Variants in DNAJB6 observed in about 807,000 individuals in gnomAD.
The protein encoded by DNAJB6 is dnaJ homolog subfamily B member 6.
A neutral mutation model predicts 42.7 loss-of-function variants in DNAJB6; 16 were observed. That is an observed-to-expected ratio of 0.37 (90% confidence interval 0.25 to 0.57). The LOEUF (loss-of-function observed/expected upper bound fraction) is 0.57. DNAJB6 is among the 20% of genes least tolerant of loss of function. DNAJB6 has a pLI of 0.74. For missense variants in DNAJB6, 347 were observed against 416.8 expected, an observed-to-expected ratio of 0.83 and a Z score of 1.46; for synonymous variants, 170 against 163.5, an observed-to-expected ratio of 1.04 and a Z score of -0.30.
intron 5 of DNAJB6, 58 bp from the exon 6 acceptor site, chr7:157,382,188 C>T: frequency 6.6e-7 from 1 of 1,512,050 alleles, no homozygotes; most frequent in Non-Finnish European, 8.8e-7. Context: ...GTAGCTATCA[C>T]ATGAGGAAAA....
At chr7:157,343,564 A>G (rs778014841) in intron 1 of DNAJB6, among the ~76,000 whole-genome samples, 1 of 152,016 alleles carries the variant, frequency 6.6e-6, no homozygotes, top group Non-Finnish European at 1.5e-5. Flanking sequence ...TCCCGGGTTC[A>G]AGCAGTTCTC....
intron 1 of DNAJB6, among the ~76,000 whole-genome samples, chr7:157,349,862 C>G (rs886848531): frequency 1.3e-5 from 2 of 151,994 alleles, no homozygotes; most frequent in African/African-American, 4.8e-5. Context: ...AGGCTGGTCT[C>G]GAACTCCTGG....
At chr7:157,404,116 A>G (rs534023521) in intron 8 of DNAJB6, among the ~76,000 whole-genome samples, 17 of 151,062 alleles carry the variant, frequency 1.1e-4, no homozygotes, top group Admixed American at 3.3e-4. Context: ...ACAGGCATGC[A>G]CCACTAGGCC....
At chr7:157,357,443 C>T (rs948334435) in intron 1 of DNAJB6, among the ~76,000 whole-genome samples, 13 of 150,554 alleles carry the variant, frequency 8.6e-5, no homozygotes, top group Non-Finnish European at 1.8e-4. Context: ...TCCCGAGTAG[C>T]TGGGACTACA....
intron 5 of DNAJB6, among the ~76,000 whole-genome samples, chr7:157,371,267 G>T (rs139953751): frequency 6.6e-6 from 1 of 152,212 alleles, no homozygotes; most frequent in African/African-American, 2.4e-5. Flanking sequence ...ACTAGACCTG[G>T]TGTACTTTCC....
intron 3 of DNAJB6, among the ~76,000 whole-genome samples, 172 bp downstream of exon 3, chr7:157,363,442 T>A (rs755652023): frequency 1.3e-5 from 2 of 152,214 alleles, no homozygotes; most frequent in Non-Finnish European, 2.9e-5. Flanking sequence ...AGATTTGAAT[T>A]GATTTAGGTA....
At chr7:157,337,248 C>T (rs940352521) in intron 1 of DNAJB6, 104 bp downstream of exon 1, 1 of 150,630 alleles carries the variant, frequency 6.6e-6, no homozygotes, top group Non-Finnish European at 1.5e-5. Flanking sequence ...GGGGGGTGAC[C>T]GGGGTCGCCG....
In DNAJB6 at chr7:157,405,501, G is replaced by C. The variant is rs1584947983; in HGVS notation, c.692-4294G>C. ...GGAGGCGAATGGGCCAGGGTGCTGG[G>C]TTTCCAAGAACACCTGCCTTGCTCT... On this transcript the variant is annotated intron_variant, in intron 8 of 9. Coordinates refer to ENST00000262177, the MANE Select transcript of DNAJB6 (RefSeq NM_058246.4). Among the ~76,000 whole-genome samples the C allele has an allele frequency of 2.6e-5, 4 of 152,320 alleles. No homozygotes were observed. In the South Asian group the frequency reaches 8.3e-4, roughly 32 times the overall value.
intron 1 of DNAJB6, among the ~76,000 whole-genome samples, chr7:157,339,599 T>TGTG (rs1563103508): frequency 8.6e-6 from 1 of 116,112 alleles, no homozygotes; most frequent in East Asian, 2.6e-4. Context: ...GCGCCCGGCC[T>TGTG]TTTGTGTGTG....
chr7:157,351,342 T>C (rs565825242), intron 1 of DNAJB6, among the ~76,000 whole-genome samples: 3 of 152,214 alleles, frequency 2.0e-5, no homozygotes, highest in African/African-American at 7.2e-5. Flanking sequence ...TAAAAAACTG[T>C]TGTGGGCCGG....
chr7:157,360,991 A>G (rs1799555550), intron 2 of DNAJB6, among the ~76,000 whole-genome samples: 2 of 152,182 alleles, frequency 1.3e-5, no homozygotes, highest in South Asian at 2.1e-4. Flanking sequence ...TGGGGCATAC[A>G]CAGTTGAATC....
intron 1 of DNAJB6, 81 bp from the exon 2 acceptor site, chr7:157,358,466 C>A: frequency 1.2e-6 from 1 of 869,366 alleles, no homozygotes; most frequent in Non-Finnish European, 1.9e-6. Context: ...CCACCCCTTC[C>A]TCCCTCTCCA....
At chr7:157,388,511 TGTG>T (rs1354045316) in intron 8 of DNAJB6, among the ~76,000 whole-genome samples, 2 of 152,200 alleles carry the variant, frequency 1.3e-5, no homozygotes, top group Non-Finnish European at 2.9e-5. Flanking sequence ...CACAGCCCCA[TGTG>T]GTCCCATCCA....
At chr7:157,370,321 C>T (rs539913772) in intron 5 of DNAJB6, among the ~76,000 whole-genome samples, 13 of 151,872 alleles carry the variant, frequency 8.6e-5, no homozygotes, top group Admixed American at 2.0e-4. Context: ...TATTATTAAA[C>T]GGGCCCCTTC....
intron 9 of DNAJB6, chr7:157,413,498 C>G (rs1319363501): frequency 1.3e-5 from 2 of 152,274 alleles, no homozygotes; most frequent in Non-Finnish European, 2.9e-5. Context: ...TAAGGGTTTT[C>G]AAGTCCTTAA....
chr7:157,354,085 A>G (rs1362439779), intron 1 of DNAJB6, among the ~76,000 whole-genome samples: 1 of 152,240 alleles, frequency 6.6e-6, no homozygotes, highest in Non-Finnish European at 1.5e-5. Flanking sequence ...GGTTTTGTCC[A>G]GGGCAGGACC....
chr7:157,362,451 C>T (rs1241351696), intron 2 of DNAJB6, among the ~76,000 whole-genome samples: 1 of 151,532 alleles, frequency 6.6e-6, no homozygotes, highest in Non-Finnish European at 1.5e-5. Context: ...CTCGGCTCAC[C>T]ACAACCTCTG....
At chr7:157,360,130 T>C (rs1346338014) in intron 2 of DNAJB6, among the ~76,000 whole-genome samples, 1 of 152,218 alleles carries the variant, frequency 6.6e-6, no homozygotes, top group Non-Finnish European at 1.5e-5. Context: ...AAGACGTACC[T>C]GAGACTGGGA....
chr7:157,359,276 T>TA (rs1187339431), intron 2 of DNAJB6, among the ~76,000 whole-genome samples: 1 of 152,170 alleles, frequency 6.6e-6, no homozygotes, highest in Non-Finnish European at 1.5e-5. Flanking sequence ...GGAACCAACT[T>TA]AAAAAAATTG....
Sources: gnomAD v4.1 joint callset for allele counts (sites outside exome capture counted in the v4.1 genomes callset) on GRCh38, gnomAD v4.1.1 for gene constraint, MANE v1.5 for transcripts, NCBI Gene and HGNC (gene_info 2026-07-23, HGNC 2026-07-21) for gene names.